The following BBX variants were observed in gnomAD, a reference collection of about 807,000 sequenced individuals.
BBX encodes HMG box transcription factor BBX.
BBX carries 30 observed loss-of-function variants against 100.2 expected under a neutral mutation model. The observed-to-expected ratio is 0.30, with a 90% CI of 0.22 to 0.41. The LOEUF is 0.41. Among genes scored for constraint, BBX ranks in the 10% least tolerant of loss-of-function variants. The pLI is 1.00. For missense variants in BBX, 1,023 were observed against 1,129.8 expected, an observed-to-expected ratio of 0.91 and a Z score of 1.35; for synonymous variants, 376 against 388.1, an observed-to-expected ratio of 0.97 and a Z score of 0.37.
rs749899021 is a variant in BBX, at chr3:107,773,216, G to A, written c.1495G>A (p.Gly499Ser). Residue 499 changes from glycine (G) to serine (S), a missense_variant, in exon 11 of 18, where the codon GGC becomes AGC. This residue lies in a region of BBX where 348 missense variants were observed against 353.2 expected (regional missense o/e 0.99). Transcript: ENST00000325805. This position sits in a 1 kb window ranked among gnomAD's most constrained non-coding sequence, Gnocchi z 4.1. ...TGAAGCCGTCGCAAAAGGAGACTGG[G>A]GCATAGAGAAACTTGGAGATACCCC... Reference protein sequence around the residue: ...TIEAVAKGDWGIEKLGDTPRK... With the variant: ...TIEAVAKGDWSIEKLGDTPRK... 3 of 1,614,028 alleles carry A rather than the reference G, an allele frequency of 1.9e-6. No individual in the cohort carries two copies. The highest frequency in any genetic ancestry group is 4.5e-5 in the East Asian group (2 of 44,860).
chr3:107,545,342 AC>A (rs2049155642), intron 2 of BBX, among the ~76,000 whole-genome samples: 1 of 152,256 alleles, frequency 6.6e-6, no homozygotes, highest in African/African-American at 2.4e-5. Context: ...TTTTTAACGT[AC>A]CAAAAATTGG....
In BBX at chr3:107,584,215, T is replaced by A. The variant is rs13319328; in HGVS notation, c.-84+57817T>A. ...TATGATATATATATTATTATATATA[T>A]TATATATAATATGTATAAAGTATAA... On this transcript the variant is annotated intron_variant, in intron 2 of 17. Transcript: ENST00000325805. 8.5e-3 allele frequency among the ~76,000 whole-genome samples: 653 copies of A among 76,996 alleles called. 28 individuals are homozygous for A. Among genetic ancestry groups the A allele is most frequent in the Non-Finnish European group, 0.014 (546 of 38,854 alleles). 50.5% of individuals were successfully genotyped at this position (76,996 alleles called of 152,430 possible).
intron 2 of BBX, among the ~76,000 whole-genome samples, chr3:107,585,810 A>T (rs1576401476): frequency 6.6e-6 from 1 of 152,190 alleles, no homozygotes; most frequent in Non-Finnish European, 1.5e-5. Flanking sequence ...ACTTATTTTA[A>T]TTATGTTATT....
At chr3:107,762,085 T>G (rs1348802885) in intron 10 of BBX, among the ~76,000 whole-genome samples, 2 of 152,216 alleles carry the variant, frequency 1.3e-5, no homozygotes, top group Non-Finnish European at 2.9e-5. Flanking sequence ...TTGTGAGTTG[T>G]TTTTAGAAAA....
intron 9 of BBX, among the ~76,000 whole-genome samples, chr3:107,751,441 G>T (rs186380338): frequency 4.6e-5 from 7 of 152,222 alleles, no homozygotes; most frequent in African/African-American, 1.7e-4. Context: ...TTGAAAATGG[G>T]TCATTTATCG....
intron 10 of BBX, among the ~76,000 whole-genome samples, chr3:107,760,802 G>C (rs2065838101): frequency 6.6e-6 from 1 of 152,176 alleles, no homozygotes; most frequent in African/African-American, 2.4e-5. Flanking sequence ...AACCTACAGA[G>C]ATCCTTTGTT....
rs71764209 is a variant in BBX, at chr3:107,544,841, TAAAAAAA to T, written c.-84+18455_-84+18461del. Among the ~76,000 whole-genome samples, 6 of 99,370 alleles carry T rather than the reference TAAAAAAA, an allele frequency of 6.0e-5. No homozygotes were observed. In the East Asian group the frequency reaches 1.4e-3, roughly 24 times the overall value. The allele number at this position is 99,370 out of a possible 152,430, so 65.2% of individuals were successfully genotyped here. A position where few individuals can be genotyped will look rare whatever the true frequency, so the allele number is the denominator to read the frequency against. ...TAACACAGTGAAACCCTGTCTCTAC[TAAAAAAA>T]AAAAAAAAAAAGAAAAAAAGTAGCC... On this transcript the variant is annotated intron_variant, in intron 2 of 17. Coordinates refer to ENST00000325805, the MANE Select transcript of BBX (RefSeq NM_001142568.3).
At chr3:107,591,588 A>G (rs1228173684) in intron 2 of BBX, among the ~76,000 whole-genome samples, 1 of 152,194 alleles carries the variant, frequency 6.6e-6, no homozygotes, top group Non-Finnish European at 1.5e-5. Context: ...GCCTGCCTCA[A>G]CTGATCCTCC....
intron 2 of BBX, among the ~76,000 whole-genome samples, chr3:107,593,281 A>G (rs1576428254): frequency 6.6e-6 from 1 of 152,346 alleles, no homozygotes; most frequent in East Asian, 1.9e-4. Flanking sequence ...TTGAAAACTG[A>G]ACACTGGCTG....
intron 2 of BBX, among the ~76,000 whole-genome samples, chr3:107,621,142 A>G (rs1202117668): frequency 2.0e-5 from 3 of 152,128 alleles, no homozygotes; most frequent in Non-Finnish European, 4.4e-5. Context: ...GTTACTGTCT[A>G]AAAGTTTTCT....
intron 14 of BBX, among the ~76,000 whole-genome samples, chr3:107,790,087 G>T (rs983751364): frequency 6.6e-6 from 1 of 152,028 alleles, no homozygotes; most frequent in African/African-American, 2.4e-5. Context: ...ATCCATATTT[G>T]TCTCTATTTT....
intron 1 of BBX, chr3:107,525,462 G>A (rs1352377193): frequency 6.6e-6 from 1 of 152,424 alleles, no homozygotes; most frequent in African/African-American, 2.4e-5. Flanking sequence ...ATGGAAAGGT[G>A]TTTAGCAGAC....
intron 2 of BBX, among the ~76,000 whole-genome samples, chr3:107,586,949 C>T (rs1034072223): frequency 6.6e-6 from 1 of 152,002 alleles, no homozygotes; most frequent in Non-Finnish European, 1.5e-5. Flanking sequence ...TGGGGTTTCA[C>T]TGTGCTGGCC....
chr3:107,791,135 G>A, intron 14 of BBX, 105 bp from the exon 15 acceptor site: 2 of 846,694 alleles, frequency 2.4e-6, no homozygotes, highest in Admixed American at 2.1e-5. Context: ...CTTTATTTGT[G>A]TGATGTTTCA....
intron 2 of BBX, among the ~76,000 whole-genome samples, chr3:107,530,214 A>G (rs1307435457): frequency 9.9e-5 from 15 of 152,114 alleles, no homozygotes; most frequent in Admixed American, 9.8e-4. Context: ...CAACATGGTG[A>G]AACCTTGTCT....
chr3:107,733,310 G>A (rs2063432208), intron 7 of BBX, among the ~76,000 whole-genome samples: 1 of 152,130 alleles, frequency 6.6e-6, no homozygotes, highest in African/African-American at 2.4e-5. Flanking sequence ...ACTCTGTCAT[G>A]GTTATGTCAG....
At chr3:107,560,547 T>C (rs1463860531) in intron 2 of BBX, among the ~76,000 whole-genome samples, 1 of 152,206 alleles carries the variant, frequency 6.6e-6, no homozygotes, top group Non-Finnish European at 1.5e-5. Flanking sequence ...ATTGTAAATA[T>C]TCTGATTAAT....
At chr3:107,734,695 A>G (rs2063528560) in intron 7 of BBX, among the ~76,000 whole-genome samples, 2 of 152,198 alleles carry the variant, frequency 1.3e-5, no homozygotes, top group African/African-American at 4.8e-5. Context: ...TCAAGTACAA[A>G]TGTAAACAAA....
At chr3:107,717,384 T>G (rs1046598627) in intron 5 of BBX, among the ~76,000 whole-genome samples, 1 of 152,032 alleles carries the variant, frequency 6.6e-6, no homozygotes, top group African/African-American at 2.4e-5. Context: ...CTCAGCTTCT[T>G]TTTTTTTCTT....
Sources: gnomAD v4.1 joint callset for allele counts (sites outside exome capture counted in the v4.1 genomes callset) on GRCh38, gnomAD v4.1.1 for gene constraint, gnomAD v4.1.1 regional missense constraint, Gnocchi (gnomAD v3.1) non-coding constraint, MANE v1.5 for transcripts, NCBI Gene and HGNC (gene_info 2026-07-23, HGNC 2026-07-21) for gene names.